Variants in RASSF9 observed in about 807,000 individuals in gnomAD.
RASSF9 encodes Ras association domain family member 9.
In RASSF9, 18 loss-of-function variants were observed where a neutral mutation model predicts 21.4. The ratio of observed to expected loss-of-function variants is 0.84; its 90% CI spans 0.58 to 1.25. The LOEUF is 1.25. Among genes scored for constraint, RASSF9 ranks in the 50% most tolerant of loss-of-function variants. RASSF9 has a pLI of 0.00. For missense variants in RASSF9, 480 were observed against 503.2 expected (o/e 0.95, Z 0.44); for synonymous variants, 183 against 179.1 (o/e 1.02, Z -0.18).
rs1285893227 is a variant in RASSF9 at position 85,801,819 on chromosome 12, A to G, written c.*2883T>C. 9.3e-6 allele frequency: 1 copy of G among 108,050 alleles called. No individual in the cohort carries two copies. Among genetic ancestry groups the G allele is most frequent in the East Asian group, 2.1e-4 (1 of 4,684 alleles). The allele number at this position is 108,050 out of a possible 1,614,324, so 6.7% of individuals were successfully genotyped here. On this transcript the variant is annotated 3_prime_UTR_variant, in exon 2 of 2. Coordinates refer to ENST00000361228, the MANE Select transcript of RASSF9 (RefSeq NM_005447.4). ...GACAGAGTGAGACTCCGTCTCAAGG[A>G]AAAAAAAAATAGAATTCATTGAAGG...
chr12:85,811,620 T>C (rs985510397), intron 1 of RASSF9, among the ~76,000 whole-genome samples: 1 of 151,898 alleles, frequency 6.6e-6, no homozygotes, highest in Admixed American at 6.6e-5. Flanking sequence ...TTGATAACTG[T>C]TATCTTCGCA....
chr12:85,827,402 C>T (rs1429039535), intron 1 of RASSF9, among the ~76,000 whole-genome samples: 1 of 152,138 alleles, frequency 6.6e-6, no homozygotes, highest in Non-Finnish European at 1.5e-5. Context: ...AATGTCACCG[C>T]AACTAGAGTC....
intron 1 of RASSF9, among the ~76,000 whole-genome samples, chr12:85,830,219 T>C (rs1263952024): frequency 1.3e-5 from 2 of 152,092 alleles, no homozygotes; most frequent in East Asian, 1.9e-4. Flanking sequence ...AGAGCATCCA[T>C]AGAGAAGAAC....
intron 1 of RASSF9, among the ~76,000 whole-genome samples, chr12:85,811,775 A>G (rs1362374286): frequency 6.6e-6 from 1 of 151,808 alleles, no homozygotes; most frequent in Non-Finnish European, 1.5e-5. Context: ...TCAGTTATCT[A>G]CACCATTACA....
chr12:85,829,468 G>A (rs1880403696), intron 1 of RASSF9, among the ~76,000 whole-genome samples: 1 of 152,054 alleles, frequency 6.6e-6, no homozygotes, highest in Non-Finnish European at 1.5e-5. Context: ...CATTGTAATT[G>A]TAAAATATTG....
At position 85,801,626 on chromosome 12, in the gene RASSF9, C is replaced by A. The variant is rs1879702616; in HGVS notation, c.*3076G>T. 1.3e-5 allele frequency: 2 copies of A among 152,516 alleles called. No homozygotes were observed. The highest frequency in any genetic ancestry group is 1.9e-4 in the East Asian group (1 of 5,164). 9.4% of individuals were successfully genotyped at this position (152,516 alleles called of 1,614,324 possible). ...AGGACATCGAGACCATCCTGGCTAA[C>A]ACGGTGAAACCCCGTCTCTACTAAA... is the stretch of plus-strand genomic sequence containing the variant. On this transcript the variant is annotated 3_prime_UTR_variant, in exon 2 of 2. Coordinates refer to ENST00000361228, the MANE Select transcript of RASSF9 (RefSeq NM_005447.4).
intron 1 of RASSF9, among the ~76,000 whole-genome samples, chr12:85,811,821 C>G (rs550992390): frequency 6.6e-6 from 1 of 151,746 alleles, no homozygotes; most frequent in South Asian, 2.1e-4. Flanking sequence ...CCACTTTAAG[C>G]AGGAAAAACA....
At chr12:85,818,030 C>T (rs1358214185) in intron 1 of RASSF9, among the ~76,000 whole-genome samples, 1 of 152,112 alleles carries the variant, frequency 6.6e-6, no homozygotes, top group Admixed American at 6.6e-5. Flanking sequence ...TAATTTAGAT[C>T]TTGTCTGTAA....
In RASSF9 at chr12:85,805,917, A is replaced by G. The variant is rs1226824382; in HGVS notation, c.93T>C (p.Val31=). The stretch of plus-strand genomic sequence containing the variant: ...CAAGCTTCTCTTCTTGGCAAACCCA[A>G]ACCACAATTTCCTTCTCTTCTGAAT... ...DMDSEEKEIV[V]WVCQEEKLVC... is the part of the protein sequence containing the mutation. The change falls in exon 2 of 2, where the codon GTT becomes GTC. Residue 31 remains valine, a synonymous_variant. Transcript: ENST00000361228. 1.2e-6 allele frequency: 2 copies of G among 1,613,442 alleles called. No homozygotes were observed. The highest frequency in any genetic ancestry group is 1.7e-5 in the Admixed American group (1 of 59,938).
chr12:85,835,529 CCTT>C (rs913701540), intron 1 of RASSF9, among the ~76,000 whole-genome samples: 3 of 151,948 alleles, frequency 2.0e-5, no homozygotes, highest in African/African-American at 7.3e-5. Context: ...CTGCTTGAAT[CCTT>C]CTTTAGTGCT....
Position 85,804,679 on chromosome 12 carries a change from A to C in RASSF9, c.*23T>G. 1.3e-6 allele frequency: 2 copies of C among 1,521,824 alleles called. No homozygotes were observed. The highest frequency in any genetic ancestry group is 1.8e-6 in the Non-Finnish European group (2 of 1,132,178). The allele number at this position is 1,521,824 out of a possible 1,614,324, so 94.3% of individuals were successfully genotyped here. ...TAAACAAACATTAAAACATGAAAGCAGGTCAGAAAGGAGCCATTGGAACTA... is the reference window on the plus strand; with the variant it reads ...TAAACAAACATTAAAACATGAAAGCCGGTCAGAAAGGAGCCATTGGAACTA... On this transcript the variant is annotated 3_prime_UTR_variant, in exon 2 of 2. Transcript: ENST00000361228.
intron 1 of RASSF9, among the ~76,000 whole-genome samples, chr12:85,830,051 C>T (rs558250920): frequency 4.6e-5 from 7 of 152,222 alleles, no homozygotes; most frequent in African/African-American, 1.7e-4. Flanking sequence ...AAGGTAGCCA[C>T]TCAGAACATT....
chr12:85,826,619 T>TCACCCAC (rs1315944835), intron 1 of RASSF9, among the ~76,000 whole-genome samples: 7,337 of 151,740 alleles, frequency 0.048, 368 homozygotes, highest in African/African-American at 0.13. Flanking sequence ...GGCTAATTTT[T>TCACCCAC]TGTATTTTTA....
At chr12:85,814,418 C>T (rs973347175) in intron 1 of RASSF9, among the ~76,000 whole-genome samples, 3 of 152,008 alleles carry the variant, frequency 2.0e-5, no homozygotes, top group African/African-American at 4.8e-5. Flanking sequence ...CAGCCTCTCA[C>T]ATCAAATAAT....
At chr12:85,826,319 T>C (rs1352679718) in intron 1 of RASSF9, among the ~76,000 whole-genome samples, 1 of 152,192 alleles carries the variant, frequency 6.6e-6, no homozygotes, top group Admixed American at 6.5e-5. Flanking sequence ...CCCCATGCAC[T>C]GAATTTTGAA....
At chr12:85,830,640 G>A (rs932669155) in intron 1 of RASSF9, among the ~76,000 whole-genome samples, 3 of 151,990 alleles carry the variant, frequency 2.0e-5, no homozygotes, top group African/African-American at 7.2e-5. Flanking sequence ...AAACCTCTGA[G>A]TATAATTTTC....
chr12:85,817,505 G>GA (rs1880100868), intron 1 of RASSF9, among the ~76,000 whole-genome samples: 1 of 151,828 alleles, frequency 6.6e-6, no homozygotes. Flanking sequence ...AATTTAGAGA[G>GA]AAAATTGGGT....
chr12:85,830,425 C>G (rs1025289545), intron 1 of RASSF9, among the ~76,000 whole-genome samples: 4 of 152,084 alleles, frequency 2.6e-5, no homozygotes, highest in Non-Finnish European at 4.4e-5. Flanking sequence ...AAATGCACTA[C>G]TGATCAGCTG....
chr12:85,832,149 G>C (rs1233692468), intron 1 of RASSF9, among the ~76,000 whole-genome samples: 1 of 151,792 alleles, frequency 6.6e-6, no homozygotes, highest in Non-Finnish European at 1.5e-5. Context: ...AAACTAAATA[G>C]CACTTCAAAA....
Sources: allele counts gnomAD v4.1 joint callset (sites outside exome capture counted in the v4.1 genomes callset), GRCh38; gene constraint gnomAD v4.1.1; transcripts MANE v1.5; gene names NCBI Gene and HGNC (gene_info 2026-07-23, HGNC 2026-07-21).